GRB10: variants seen among roughly 807,000 people sequenced by gnomAD.
GRB10 encodes the protein growth factor receptor-bound protein 10.
In GRB10, 20 loss-of-function variants were observed where a neutral mutation model predicts 80.9. The observed-to-expected ratio is 0.25, with a 90% CI of 0.17 to 0.36. The LOEUF (loss-of-function observed/expected upper bound fraction) is 0.36, where lower values mean the gene tolerates loss of function less well. GRB10 is among the 10% of genes least tolerant of loss of function. The pLI is 1.00. For synonymous variants in GRB10, 291 were observed against 291.5 expected (o/e 1.00, Z 0.02); for missense variants, 548 against 747.7 (o/e 0.73, Z 3.12).
Position 50,675,522 on chromosome 7 carries a change from T to C in GRB10, c.140-864A>G, listed in dbSNP as rs75300701. Among the ~76,000 whole-genome samples the C allele has an allele frequency of 2.5e-3, 386 of 152,350 alleles. 1 individual carries two copies. The highest frequency in any genetic ancestry group is 4.3e-3 in the Non-Finnish European group (293 of 68,038). Reference sequence around the variant, plus strand: ...AACCACAGACTTTGAGTAAAGCAGATTGTTCTCTCTCATGTGAGAGTGCCT... The same window carrying C: ...AACCACAGACTTTGAGTAAAGCAGACTGTTCTCTCTCATGTGAGAGTGCCT... On this transcript the variant is annotated intron_variant, in intron 5 of 18. Transcript: ENST00000401949.
chr7:50,592,912 G>A lies in GRB10; in HGVS notation c.*40C>T, dbSNP rs2045978144. The A allele has an allele frequency of 1.9e-6, 3 of 1,611,120 alleles. No individual in the cohort carries two copies. Among genetic ancestry groups the A allele is most frequent in the African/African-American group, 1.3e-5 (1 of 74,876 alleles). Reference sequence around the variant, plus strand: ...GCACAGACCGCTTCTTCACTCCAGTGTTCACTTCCTCCAGTCTTCAGCCGA... The same window carrying A: ...GCACAGACCGCTTCTTCACTCCAGTATTCACTTCCTCCAGTCTTCAGCCGA... On this transcript the variant is annotated 3_prime_UTR_variant, in exon 19 of 19. Transcript: ENST00000401949.
intron 7 of GRB10, among the ~76,000 whole-genome samples, chr7:50,646,260 C>T (rs1261030858): frequency 6.6e-6 from 1 of 152,188 alleles, no homozygotes; most frequent in Non-Finnish European, 1.5e-5. Context: ...GCACGGGGGC[C>T]CTTGTTTCCG....
intron 14 of GRB10, among the ~76,000 whole-genome samples, chr7:50,605,710 C>A (rs1357938700): frequency 1.3e-5 from 2 of 152,188 alleles, no homozygotes; most frequent in African/African-American, 2.4e-5. Context: ...CTGACCTGCA[C>A]TCCAACACAT....
intron 7 of GRB10, among the ~76,000 whole-genome samples, chr7:50,646,485 G>A (rs539149942): frequency 6.6e-6 from 1 of 152,308 alleles, no homozygotes; most frequent in South Asian, 2.1e-4. Context: ...CCTTTTTGTA[G>A]TATTTGTTTC....
chr7:50,612,320 G>C (rs1397450037), intron 13 of GRB10, among the ~76,000 whole-genome samples: 1 of 151,968 alleles, frequency 6.6e-6, no homozygotes, highest in Non-Finnish European at 1.5e-5. Flanking sequence ...CTCAACCAGG[G>C]GCAATTCCCC....
chr7:50,751,565 T>G (rs1016844863), intron 3 of GRB10, among the ~76,000 whole-genome samples: 1 of 151,880 alleles, frequency 6.6e-6, no homozygotes, highest in African/African-American at 2.4e-5. Flanking sequence ...AGTGAAAGGG[T>G]GGGAAGGAAG....
intron 7 of GRB10, 86 bp downstream of exon 7, chr7:50,669,635 TC>T: frequency 1.5e-6 from 2 of 1,338,498 alleles, no homozygotes; most frequent in Non-Finnish European, 2.1e-6. Context: ...CCGCCCTTCT[TC>T]CCAAAGTAAT....
At chr7:50,705,070 T>C in intron 4 of GRB10, 3 of 861,462 alleles carry the variant, frequency 3.5e-6, no homozygotes, top group Non-Finnish European at 4.2e-6. Context: ...GCAGTTTCTC[T>C]GCCCAGAGCC....
Position 50,683,854 on chromosome 7 carries a change from G to T in GRB10, c.140-9196C>A, listed in dbSNP as rs528555072. Among the ~76,000 whole-genome samples the T allele has an allele frequency of 2.0e-5, 3 of 152,294 alleles. No individual in the cohort carries two copies. In the East Asian group the frequency reaches 5.8e-4, roughly 29 times the overall value. On this transcript the variant is annotated intron_variant, in intron 5 of 18. Transcript: ENST00000401949. ...AAAAAACAAACGCAGTTTTTAAATT[G>T]AATTGTTCCCAGGTTACCCTCCAGG...
chr7:50,637,532 T>C (rs537468745), intron 7 of GRB10, among the ~76,000 whole-genome samples: 1 of 152,010 alleles, frequency 6.6e-6, no homozygotes, highest in African/African-American at 2.4e-5. Flanking sequence ...CAAACCCTCA[T>C]GAAAGGAATC....
chr7:50,721,403 T>G (rs931386468), intron 4 of GRB10, among the ~76,000 whole-genome samples: 3 of 152,264 alleles, frequency 2.0e-5, no homozygotes, highest in Admixed American at 6.5e-5. Flanking sequence ...GCCGTCGCAG[T>G]GATCATCAGA....
chr7:50,636,025 T>G (rs2054955935), intron 7 of GRB10, among the ~76,000 whole-genome samples: 1 of 130,002 alleles, frequency 7.7e-6, no homozygotes, highest in South Asian at 2.7e-4. Flanking sequence ...CAGGCTGGAG[T>G]GCAGTGCAGT....
intron 5 of GRB10, among the ~76,000 whole-genome samples, chr7:50,696,707 C>T (rs2299156): frequency 0.15 from 23,213 of 152,208 alleles, 2,381 homozygotes; most frequent in East Asian, 0.34. Context: ...TTGCCTAAAA[C>T]TGAGAGGCCA....
At chr7:50,658,203 C>T (rs1044052404) in intron 7 of GRB10, among the ~76,000 whole-genome samples, 4 of 152,228 alleles carry the variant, frequency 2.6e-5, no homozygotes, top group African/African-American at 7.2e-5. Flanking sequence ...CCAATGTCCA[C>T]GTTCAGTGAG....
chr7:50,633,007 G>C (rs1381470972), intron 7 of GRB10, among the ~76,000 whole-genome samples: 1 of 152,134 alleles, frequency 6.6e-6, no homozygotes, highest in Non-Finnish European at 1.5e-5. Context: ...TCCCGCCCAT[G>C]GCCAGGGAAA....
intron 6 of GRB10, among the ~76,000 whole-genome samples, chr7:50,672,384 C>G (rs2153638846): frequency 6.6e-6 from 1 of 152,362 alleles, no homozygotes; most frequent in South Asian, 2.1e-4. Flanking sequence ...CAAGGAGGAG[C>G]TCATCAGCAT....
chr7:50,660,267 G>A (rs976348539), intron 7 of GRB10, among the ~76,000 whole-genome samples: 1 of 152,126 alleles, frequency 6.6e-6, no homozygotes, highest in Non-Finnish European at 1.5e-5. Flanking sequence ...AATGGGAAGT[G>A]GGGGTGCAGC....
chr7:50,614,251 T>G (rs1003671075), intron 12 of GRB10, among the ~76,000 whole-genome samples: 3 of 152,218 alleles, frequency 2.0e-5, no homozygotes. Flanking sequence ...CATGTATGTA[T>G]GCACGTGTGG....
intron 4 of GRB10, among the ~76,000 whole-genome samples, chr7:50,712,026 G>A (rs1316565736): frequency 6.6e-6 from 1 of 151,928 alleles, no homozygotes; most frequent in Non-Finnish European, 1.5e-5. Context: ...CCGAGCTATG[G>A]GTAACTACAA....
Sources: allele counts gnomAD v4.1 joint callset (sites outside exome capture counted in the v4.1 genomes callset), GRCh38; gene constraint gnomAD v4.1.1; transcripts MANE v1.5; gene names NCBI Gene and HGNC (gene_info 2026-07-23, HGNC 2026-07-21).